TRPM3: variants seen among roughly 807,000 people sequenced by gnomAD.
TRPM3 encodes the protein long transient receptor potential channel 3.
Under a neutral mutation model 181.2 loss-of-function variants are expected in TRPM3, and 77 were observed. The observed-to-expected ratio is 0.42, with a 90% CI of 0.35 to 0.51. The LOEUF is 0.51. Ranked by LOEUF, TRPM3 falls within the 20% of genes least tolerant of loss-of-function variation. The pLI is 0.01. For missense variants in TRPM3, 1,759 were observed against 2,196.7 expected (o/e 0.80, Z 3.98); for synonymous variants, 745 against 796.4 (o/e 0.94, Z 1.09).
intron 8 of TRPM3, among the ~76,000 whole-genome samples, chr9:70,699,914 G>C (rs923460846): frequency 1.3e-5 from 2 of 152,158 alleles, no homozygotes; most frequent in Non-Finnish European, 2.9e-5. Flanking sequence ...AGGGCAGGGA[G>C]GCATCAAAGA....
At chr9:70,673,494 T>G (rs2063373007) in intron 9 of TRPM3, among the ~76,000 whole-genome samples, 1 of 152,224 alleles carries the variant, frequency 6.6e-6, no homozygotes, top group Non-Finnish European at 1.5e-5. Flanking sequence ...CTAAAACACT[T>G]TGCTATCCAC....
At chr9:71,408,653 G>T (rs557443905) in intron 1 of TRPM3, among the ~76,000 whole-genome samples, 1 of 152,324 alleles carries the variant, frequency 6.6e-6, no homozygotes, top group East Asian at 1.9e-4. Flanking sequence ...GGGACGGGGA[G>T]AATGGAACCA....
chr9:70,950,102 T>G lies in TRPM3; in HGVS notation c.178-85591A>C, dbSNP rs140433944. 2.1e-3 allele frequency among the ~76,000 whole-genome samples: 324 copies of G among 152,340 alleles called. 10 individuals are homozygous for G. In the East Asian group the frequency reaches 0.052, roughly 24 times the overall value. ...GAAGCCTCCCTTCACAGTCATGATA[T>G]TTCTTTCAAATTGAGATGGTAAAGT... On this transcript the variant is annotated intron_variant, in intron 1 of 25. Coordinates refer to ENST00000677713, the MANE Select transcript of TRPM3 (RefSeq NM_001366145.2).
chr9:71,224,651 A>G (rs1444841793), intron 1 of TRPM3, among the ~76,000 whole-genome samples: 1 of 152,200 alleles, frequency 6.6e-6, no homozygotes, highest in African/African-American at 2.4e-5. Flanking sequence ...GAAATTTAAG[A>G]TAACACAGAG....
intron 1 of TRPM3, among the ~76,000 whole-genome samples, chr9:70,979,494 C>A (rs2097341444): frequency 6.6e-6 from 1 of 152,116 alleles, no homozygotes; most frequent in Non-Finnish European, 1.5e-5. Flanking sequence ...TTTGTCACCC[C>A]CAAATTAAAA....
intron 1 of TRPM3, among the ~76,000 whole-genome samples, chr9:71,438,504 TA>T (rs919152151): frequency 7.8e-5 from 7 of 90,172 alleles, no homozygotes; most frequent in African/African-American, 1.8e-4. Flanking sequence ...ACCCCTTCTC[TA>T]CAAAAAAAAA....
intron 9 of TRPM3, 80 bp from the exon 10 acceptor site, chr9:70,640,740 C>T: frequency 1.8e-6 from 2 of 1,089,722 alleles, no homozygotes; most frequent in Non-Finnish European, 2.7e-6. Context: ...CCTGCTCCAT[C>T]CCTCTGCCAT....
chr9:70,686,773 C>A (rs1211459620), intron 8 of TRPM3, among the ~76,000 whole-genome samples: 1 of 90,332 alleles, frequency 1.1e-5, no homozygotes, highest in Non-Finnish European at 2.2e-5. Context: ...CTCCCTCCAT[C>A]TTTCCCTCCT....
At chr9:70,647,663 T>C (rs796793367) in intron 9 of TRPM3, among the ~76,000 whole-genome samples, 16 of 152,242 alleles carry the variant, frequency 1.1e-4, no homozygotes, top group African/African-American at 3.6e-4. Flanking sequence ...ACTACTTCTA[T>C]TCAACATAGT....
chr9:71,232,814 C>T (rs2081143911), intron 1 of TRPM3, among the ~76,000 whole-genome samples: 1 of 152,080 alleles, frequency 6.6e-6, no homozygotes, highest in African/African-American at 2.4e-5. Context: ...CATTCTGTAA[C>T]TTGTATCCTT....
chr9:71,161,250 C>A (rs1258883657), intron 1 of TRPM3, among the ~76,000 whole-genome samples: 2 of 152,224 alleles, frequency 1.3e-5, no homozygotes, highest in East Asian at 3.9e-4. Flanking sequence ...TCTGGTTTGG[C>A]CTCACCTTCT....
chr9:70,699,763 G>C (rs2071791120), intron 8 of TRPM3, among the ~76,000 whole-genome samples: 1 of 152,174 alleles, frequency 6.6e-6, no homozygotes, highest in Non-Finnish European at 1.5e-5. Context: ...GTGGGGCCCA[G>C]CTTCAGGGAA....
chr9:71,441,388 G>A (rs1443441980), intron 1 of TRPM3, among the ~76,000 whole-genome samples: 1 of 152,142 alleles, frequency 6.6e-6, no homozygotes, highest in African/African-American at 2.4e-5. Context: ...TAATGGGCTA[G>A]CACTGCAGGA....
intron 8 of TRPM3, among the ~76,000 whole-genome samples, chr9:70,754,737 C>A (rs1052221959): frequency 6.6e-6 from 1 of 152,138 alleles, no homozygotes; most frequent in Admixed American, 6.5e-5. Flanking sequence ...TAATATTATA[C>A]CCCATATAGT....
At position 71,373,099 on chromosome 9, in the gene TRPM3, G is replaced by C. The variant is rs762303413; in HGVS notation, c.183+73554C>G. On this transcript the variant is annotated intron_variant, in intron 1 of 24. Transcript: ENST00000357533. ...ATGAGAACACAGACACAATGTACCA[G>C]AGTCTCCGGGATGTGGCTAAAGCAG... is the stretch of plus-strand genomic sequence containing the variant. Among the ~76,000 whole-genome samples, 35 of 152,150 alleles carry C rather than the reference G, an allele frequency of 2.3e-4. 1 individual carries two copies. The highest frequency in any genetic ancestry group is 2.3e-3 in the Admixed American group (35 of 15,282).
In TRPM3 at chr9:71,420,876, A is replaced by G. The variant is rs117184536; in HGVS notation, c.183+25777T>C. On this transcript the variant is annotated intron_variant, in intron 1 of 24. Coordinates refer to the TRPM3 transcript ENST00000357533. ...GAGAGAAAGAGAGAGAGGGAGAGAA[A>G]AGGAGGGAGAGAAAAAGGGAGAGAA... is the stretch of plus-strand genomic sequence containing the variant. 6.1e-3 allele frequency among the ~76,000 whole-genome samples: 257 copies of G among 42,026 alleles called. 28 individuals are homozygous for G. The highest frequency in any genetic ancestry group is 0.019 in the East Asian group (16 of 826). The allele number at this position is 42,026 out of a possible 152,430, so 27.6% of individuals were successfully genotyped here.
At chr9:70,623,145 A>T (rs1422633732) in intron 14 of TRPM3, among the ~76,000 whole-genome samples, 1 of 152,112 alleles carries the variant, frequency 6.6e-6, no homozygotes, top group African/African-American at 2.4e-5. Context: ...CAGGTGGATC[A>T]CCTGAGGTCA....
At chr9:71,153,949 C>A (rs1386122439) in intron 1 of TRPM3, among the ~76,000 whole-genome samples, 1 of 152,054 alleles carries the variant, frequency 6.6e-6, no homozygotes, top group Non-Finnish European at 1.5e-5. Context: ...TGTTTTGCAA[C>A]TTGAGGTGTA....
intron 1 of TRPM3, among the ~76,000 whole-genome samples, chr9:71,326,533 A>G (rs923411294): frequency 2.0e-5 from 3 of 152,232 alleles, no homozygotes; most frequent in African/African-American, 7.2e-5. Context: ...CTGTTAAGTG[A>G]TGGTTGAATG....
Sources: gnomAD v4.1 joint callset for allele counts (sites outside exome capture counted in the v4.1 genomes callset) on GRCh38, gnomAD v4.1.1 for gene constraint, MANE v1.5 for transcripts, NCBI Gene and HGNC (gene_info 2026-07-23, HGNC 2026-07-21) for gene names.